PUS10: variants seen among roughly 807,000 people sequenced by gnomAD.
The protein encoded by PUS10 is tRNA pseudouridine synthase Pus10.
PUS10 carries 59 observed loss-of-function variants against 75.0 expected under a neutral mutation model. That is an observed-to-expected ratio of 0.79 (90% CI 0.64 to 0.98). The LOEUF (loss-of-function observed/expected upper bound fraction) is 0.98. PUS10 is among the 50% of genes least tolerant of loss of function. The pLI is 0.00. For missense variants in PUS10, 650 were observed against 614.4 expected (o/e 1.06, Z -0.61); for synonymous variants, 219 against 211.6 (o/e 1.03, Z -0.30).
intron 4 of PUS10, among the ~76,000 whole-genome samples, chr2:60,972,722 C>T (rs571560381): frequency 2.6e-5 from 4 of 152,310 alleles, no homozygotes; most frequent in Non-Finnish European, 5.9e-5. Context: ...CACTTCAAGA[C>T]ACGGCTTAAT....
chr2:60,946,589 T>C (rs960970579), intron 16 of PUS10, among the ~76,000 whole-genome samples: 2 of 152,146 alleles, frequency 1.3e-5, no homozygotes, highest in Non-Finnish European at 2.9e-5. Flanking sequence ...ACAACAAAGA[T>C]ACAAAGATCT....
Position 60,974,744 on chromosome 2 carries a change from G to C in PUS10, c.469-3187C>G, listed in dbSNP as rs544960242. Among the ~76,000 whole-genome samples the C allele has an allele frequency of 3.9e-4, 60 of 152,342 alleles. 2 individuals are homozygous for C. The South Asian group carries it at 0.012, about 30-fold the overall frequency. On this transcript the variant is annotated intron_variant, in intron 4 of 17. Coordinates refer to ENST00000316752, the MANE Select transcript of PUS10 (RefSeq NM_144709.4). The stretch of plus-strand genomic sequence containing the variant: ...GCTTCACAGGGAGCCATGACTGCGC[G>C]TGGAGCTGCCTGCCCCACTGCAGCC...
chr2:60,962,254 C>A (rs1477851517), intron 9 of PUS10, among the ~76,000 whole-genome samples: 1 of 152,186 alleles, frequency 6.6e-6, no homozygotes, highest in Non-Finnish European at 1.5e-5. Context: ...GGACACACTA[C>A]CCTCTTCTAA....
intron 1 of PUS10, chr2:61,017,559 C>G (rs1680084076): frequency 5.4e-6 from 3 of 553,060 alleles, no homozygotes; most frequent in African/African-American, 1.9e-5. Context: ...ATACAAAGAG[C>G]GTGTTTCTTC....
intron 4 of PUS10, among the ~76,000 whole-genome samples, chr2:60,996,607 A>C (rs1678476187): frequency 1.3e-5 from 2 of 152,028 alleles, no homozygotes; most frequent in South Asian, 4.1e-4. Context: ...AAAAAAAAAA[A>C]AACTTAAAAA....
At chr2:60,984,559 A>G (rs567583492) in intron 4 of PUS10, among the ~76,000 whole-genome samples, 1 of 152,334 alleles carries the variant, frequency 6.6e-6, no homozygotes, top group South Asian at 2.1e-4. Flanking sequence ...CAATTCTAAG[A>G]ATTTATCAGA....
chr2:60,988,796 G>A (rs762667997), intron 4 of PUS10, among the ~76,000 whole-genome samples: 64 of 151,534 alleles, frequency 4.2e-4, no homozygotes, highest in Middle Eastern at 6.8e-3. Flanking sequence ...CCACCATACC[G>A]GGTTAATTTT....
In PUS10 at chr2:61,018,122, G is replaced by A; in HGVS notation, c.-130C>T. Reference sequence around the variant, plus strand: ...GGTCTCTGTGCTTGAAAGAAAGGGGGGCGGCTTCCTACCTACCGCTTCTGT... The same window carrying A: ...GGTCTCTGTGCTTGAAAGAAAGGGGAGCGGCTTCCTACCTACCGCTTCTGT... On this transcript the variant is annotated 5_prime_UTR_variant, in exon 1 of 18. Coordinates refer to ENST00000316752, the MANE Select transcript of PUS10 (RefSeq NM_144709.4). 5.8e-6 allele frequency: 9 copies of A among 1,547,732 alleles called. No individual in the cohort carries two copies. The highest frequency in any genetic ancestry group is 7.9e-6 in the Non-Finnish European group (9 of 1,145,628).
intron 4 of PUS10, among the ~76,000 whole-genome samples, chr2:60,976,412 C>G (rs1175708272): frequency 6.6e-6 from 1 of 152,148 alleles, no homozygotes; most frequent in Non-Finnish European, 1.5e-5. Flanking sequence ...CAGACTCTTC[C>G]GTCTTTTCTT....
chr2:61,007,807 C>T (rs1295936451), intron 3 of PUS10, among the ~76,000 whole-genome samples: 32 of 151,014 alleles, frequency 2.1e-4, no homozygotes, highest in Non-Finnish European at 7.4e-5. Flanking sequence ...AGAATTTGGC[C>T]GGGCACGGTG....
chr2:60,976,412 C>T (rs1175708272), intron 4 of PUS10, among the ~76,000 whole-genome samples: 2 of 152,148 alleles, frequency 1.3e-5, no homozygotes, highest in South Asian at 4.1e-4. Flanking sequence ...CAGACTCTTC[C>T]GTCTTTTCTT....
intron 16 of PUS10, among the ~76,000 whole-genome samples, chr2:60,945,534 A>T (rs1301227221): frequency 6.6e-6 from 1 of 152,198 alleles, no homozygotes; most frequent in Non-Finnish European, 1.5e-5. Context: ...CCACACAGAG[A>T]GTGATCTCAA....
At chr2:60,944,151 A>C in intron 17 of PUS10, 2 of 826,900 alleles carry the variant, frequency 2.4e-6, no homozygotes, top group Non-Finnish European at 2.9e-6. Flanking sequence ...GATGATGAGT[A>C]GAGATTTTCT....
intron 4 of PUS10, among the ~76,000 whole-genome samples, chr2:60,981,936 G>A (rs988838286): frequency 6.6e-6 from 1 of 151,938 alleles, no homozygotes; most frequent in African/African-American, 2.4e-5. Context: ...ACCACACTTT[G>A]AAACAAACAA....
Position 60,954,150 on chromosome 2 carries a change from AG to A in PUS10, c.1065del (p.Phe356LeufsTer6). 3 of 1,614,150 alleles carry A rather than the reference AG, an allele frequency of 1.9e-6. No homozygotes were observed. The highest frequency in any genetic ancestry group is 2.5e-6 in the Non-Finnish European group (3 of 1,179,996). On this transcript the variant is annotated frameshift_variant, in exon 13 of 18. Transcript: ENST00000316752. LOFTEE classifies it high-confidence loss of function. ...VDVRTLGNGR[P>X]FAIELVNPHR... Reference sequence around the variant, plus strand: ...TGAGGATTCACCAGCTCAATTGCAAAGGGCCTTCCTGGCAGCACACACCCCG... The same window carrying A: ...TGAGGATTCACCAGCTCAATTGCAAAGGCCTTCCTGGCAGCACACACCCCG...
chr2:60,995,611 A>C (rs1426947252), intron 4 of PUS10, among the ~76,000 whole-genome samples: 1 of 152,230 alleles, frequency 6.6e-6, no homozygotes, highest in Non-Finnish European at 1.5e-5. Context: ...GGTCCTAAAA[A>C]TTAATGGAGG....
Position 60,943,762 on chromosome 2 carries a change from TTGTGTGTGTG to T in PUS10, c.1551+1237_1551+1246del, listed in dbSNP as rs56232022. ...AAATAAAACATGACTGATCACAATC[TTGTGTGTGTG>T]TGTGTGTGTGTGTGTGTGTGTGGAG... On this transcript the variant is annotated intron_variant, in intron 17 of 17. Transcript: ENST00000316752. 1.1e-4 allele frequency among the ~76,000 whole-genome samples: 16 copies of T among 146,832 alleles called. No individual in the cohort carries two copies. The East Asian group carries it at 2.0e-3, about 19-fold the overall frequency.
chr2:60,972,132 G>A (rs1445430338), intron 4 of PUS10, among the ~76,000 whole-genome samples: 1 of 142,758 alleles, frequency 7.0e-6, no homozygotes, highest in Non-Finnish European at 1.5e-5. Context: ...GCCTCCCAAA[G>A]TGCTGGGATT....
At chr2:60,989,749 G>C (rs1269177535) in intron 4 of PUS10, among the ~76,000 whole-genome samples, 1 of 152,008 alleles carries the variant, frequency 6.6e-6, no homozygotes, top group Non-Finnish European at 1.5e-5. Flanking sequence ...CTCCCAAGTA[G>C]CTGGGACTAC....
Sources: allele counts gnomAD v4.1 joint callset (sites outside exome capture counted in the v4.1 genomes callset), GRCh38; gene constraint gnomAD v4.1.1; transcripts MANE v1.5; gene names NCBI Gene and HGNC (gene_info 2026-07-23, HGNC 2026-07-21).